FBXL4: variants seen among roughly 807,000 people sequenced by gnomAD.
FBXL4 encodes F-box/LRR-repeat protein 4.
In FBXL4, 40 loss-of-function variants were observed where a neutral mutation model predicts 58.9. The ratio of observed to expected loss-of-function variants is 0.68; its 90% CI spans 0.53 to 0.88. FBXL4 has a LOEUF of 0.88. FBXL4 is among the 40% of genes least tolerant of loss of function. The pLI is 0.00. For missense variants in FBXL4, 676 were observed against 734.4 expected (o/e 0.92, Z 0.92); for synonymous variants, 263 against 265.5 (o/e 0.99, Z 0.09).
At chr6:98,875,266 T>C in intron 9 of FBXL4, 149 bp downstream of exon 9, 1 of 702,208 alleles carries the variant, frequency 1.4e-6, no homozygotes, top group Non-Finnish European at 2.5e-6. Flanking sequence ...AACTGATCTA[T>C]CTTGCATTTC....
intron 4 of FBXL4, among the ~76,000 whole-genome samples, chr6:98,920,613 AT>A (rs1344110498): frequency 1.3e-5 from 2 of 152,220 alleles, no homozygotes; most frequent in African/African-American, 4.8e-5. Context: ...TGCTACCTGC[AT>A]TAAGGTTTTT....
At chr6:98,913,732 A>G (rs1772202407) in intron 5 of FBXL4, among the ~76,000 whole-genome samples, 1 of 152,224 alleles carries the variant, frequency 6.6e-6, no homozygotes, top group African/African-American at 2.4e-5. Context: ...TAAAATTGAC[A>G]CCCTAACATC....
rs1771776086 is a variant in FBXL4 at position 98,905,577 on chromosome 6, G to A, written c.952C>T (p.Leu318=). ...KLLSQHCCDP[L]QYIHLNLQPY... ...TGCAGATTGAGGTGGATGTATTGCA[G>A]AGGATCACAGCAATGCTGGCTCAGT... The change falls in exon 6 of 10, where the codon CTG becomes TTG. Residue 318 remains leucine, a synonymous_variant. Coordinates refer to ENST00000369244, the MANE Select transcript of FBXL4 (RefSeq NM_001278716.2). 1 of 1,613,872 alleles carries A rather than the reference G, an allele frequency of 6.2e-7. No homozygotes were observed. The highest frequency in any genetic ancestry group is 8.5e-7 in the Non-Finnish European group (1 of 1,179,968).
chr6:98,929,915 T>C (rs1772947130), intron 2 of FBXL4, among the ~76,000 whole-genome samples: 1 of 152,188 alleles, frequency 6.6e-6, no homozygotes, highest in Non-Finnish European at 1.5e-5. Context: ...GCATGAACCA[T>C]GCATAGAGTG....
chr6:98,919,421 G>A (rs770512939), intron 4 of FBXL4, among the ~76,000 whole-genome samples: 9 of 152,144 alleles, frequency 5.9e-5, no homozygotes, highest in Non-Finnish European at 1.2e-4. Flanking sequence ...TTTGTATTCA[G>A]AGGCAACATT....
chr6:98,926,638 C>CAT lies in FBXL4; in HGVS notation c.350_351insAT (p.Pro118CysfsTer27). 4 of 1,614,104 alleles carry CAT rather than the reference C, an allele frequency of 2.5e-6. No individual in the cohort carries two copies. Among genetic ancestry groups the CAT allele is most frequent in the Non-Finnish European group, 2.5e-6 (3 of 1,180,012 alleles). ...AGTCCTGGCTCTGAAAATTAGGTGG[C>CAT]GTCCTCTTGAATGGCAAGGAAGCAC... On this transcript the variant is annotated frameshift_variant, in exon 4 of 10. Transcript: ENST00000369244. LOFTEE classifies it high-confidence loss of function.
chr6:98,899,620 A>C, intron 6 of FBXL4, 139 bp from the exon 7 acceptor site: 1 of 1,075,130 alleles, frequency 9.3e-7, no homozygotes, highest in Admixed American at 2.9e-5. Context: ...TGTTTTGCTT[A>C]AATTCTTATT....
chr6:98,908,312 ACTTG>A (rs1158937960), intron 5 of FBXL4, among the ~76,000 whole-genome samples: 5 of 152,118 alleles, frequency 3.3e-5, no homozygotes, highest in African/African-American at 9.7e-5. Flanking sequence ...CCATTCAGCA[ACTTG>A]CTTTTCTCAT....
chr6:98,885,548 A>G (rs1177906636), intron 7 of FBXL4, among the ~76,000 whole-genome samples: 6 of 152,172 alleles, frequency 3.9e-5, no homozygotes, highest in Non-Finnish European at 5.9e-5. Flanking sequence ...ACCCTCCCTC[A>G]AATAAGAGAG....
chr6:98,910,790 C>T (rs984575617), intron 5 of FBXL4, among the ~76,000 whole-genome samples: 9 of 152,154 alleles, frequency 5.9e-5, no homozygotes, highest in African/African-American at 1.9e-4. Flanking sequence ...TCTGAGGTAC[C>T]GGGTTCATCT....
chr6:98,944,205 G>A (rs1414164366), intron 1 of FBXL4, among the ~76,000 whole-genome samples: 5 of 152,252 alleles, frequency 3.3e-5, no homozygotes, highest in Admixed American at 2.0e-4. Flanking sequence ...CCCAGAGGCC[G>A]TAAAGGAAAA....
chr6:98,879,351 T>C (rs1416835032), intron 8 of FBXL4, among the ~76,000 whole-genome samples: 1 of 152,024 alleles, frequency 6.6e-6, no homozygotes, highest in Non-Finnish European at 1.5e-5. Context: ...ACCTACATTG[T>C]TTTAGGGAAC....
chr6:98,894,062 T>C (rs1771327646), intron 7 of FBXL4, among the ~76,000 whole-genome samples: 1 of 152,130 alleles, frequency 6.6e-6, no homozygotes, highest in African/African-American at 2.4e-5. Flanking sequence ...AGATGGGGTC[T>C]TGCTATGTTG....
intron 2 of FBXL4, among the ~76,000 whole-genome samples, chr6:98,934,532 G>A (rs1328690028): frequency 1.3e-5 from 2 of 152,048 alleles, no homozygotes; most frequent in Non-Finnish European, 2.9e-5. Context: ...AAAAAGCTCT[G>A]CTTTTTCTTC....
chr6:98,905,640 G>C lies in FBXL4; in HGVS notation c.889C>G (p.Leu297Val). ...LIQLILNHLT[L>V]PDLCRLAQTC... ...TGTGCTAATCTACACAGGTCTGGTA[G>C]TGTAAGATGATTCAGAATCAGCTGA... Residue 297 changes from leucine (L) to valine (V), a missense_variant, in exon 6 of 10, where the codon CTA becomes GTA. Physicochemically the swap from Leu to Val is conservative, Grantham distance 32. Transcript: ENST00000369244. 5 of 1,613,858 alleles carry C rather than the reference G, an allele frequency of 3.1e-6. No individual in the cohort carries two copies. The highest frequency in any genetic ancestry group is 4.2e-6 in the Non-Finnish European group (5 of 1,179,866).
chr6:98,901,558 C>T (rs1403968835), intron 6 of FBXL4, among the ~76,000 whole-genome samples: 1 of 152,064 alleles, frequency 6.6e-6, no homozygotes, highest in African/African-American at 2.4e-5. Context: ...ACCTATACTA[C>T]CTTTCTGACT....
chr6:98,896,453 G>C (rs1451685670), intron 7 of FBXL4, among the ~76,000 whole-genome samples: 1 of 152,144 alleles, frequency 6.6e-6, no homozygotes, highest in Non-Finnish European at 1.5e-5. Context: ...CTCTGATACA[G>C]ATCCCAAGAA....
chr6:98,905,742 T>C, intron 5 of FBXL4, 72 bp from the exon 6 acceptor site: 1 of 1,438,378 alleles, frequency 7.0e-7, no homozygotes, highest in Non-Finnish European at 9.6e-7. Flanking sequence ...TATAACATAA[T>C]CTAATAAGGA....
chr6:98,872,533 G>A lies in FBXL4; in HGVS notation c.*1745C>T, dbSNP rs1252370441. 5 of 151,998 alleles carry A rather than the reference G, an allele frequency of 3.3e-5. No individual in the cohort carries two copies. The highest frequency in any genetic ancestry group is 4.8e-5 in the African/African-American group (2 of 41,504). 9.4% of individuals were successfully genotyped at this position (151,998 alleles called of 1,614,324 possible). A position where few individuals can be genotyped will look rare whatever the true frequency, so the allele number is the denominator to read the frequency against. ...TTTAATTCTTTTCATTAGTAAACCCGTATTACAAAAAAAATTGTTCTAAAT... is the reference window on the plus strand; with the variant it reads ...TTTAATTCTTTTCATTAGTAAACCCATATTACAAAAAAAATTGTTCTAAAT... On this transcript the variant is annotated 3_prime_UTR_variant, in exon 10 of 10. Transcript: ENST00000369244.
Sources: gnomAD v4.1 joint callset for allele counts (sites outside exome capture counted in the v4.1 genomes callset) on GRCh38, gnomAD v4.1.1 for gene constraint, MANE v1.5 for transcripts, NCBI Gene and HGNC (gene_info 2026-07-23, HGNC 2026-07-21) for gene names.